The following ZNF783 variants were observed in gnomAD, a reference collection of about 807,000 sequenced individuals.
ZNF783 encodes zinc finger protein 783.
Under a neutral mutation model 31.3 loss-of-function variants are expected in ZNF783, and 25 were observed. That is an observed-to-expected ratio of 0.80 (90% confidence interval 0.58 to 1.11). ZNF783 has a LOEUF of 1.11. ZNF783 is among the 50% of genes most tolerant of loss of function. The pLI, the probability that ZNF783 is intolerant of heterozygous loss-of-function variation, is 0.00. For missense variants in ZNF783, 797 were observed against 760.0 expected (o/e 1.05, Z -0.57); for synonymous variants, 369 against 319.1 (o/e 1.16, Z -1.66).
chr7:149,282,561 T>A lies in ZNF783; in HGVS notation c.*218T>A. The A allele has an allele frequency of 1.9e-6, 1 of 528,454 alleles. No homozygotes were observed. Among genetic ancestry groups the A allele is most frequent in the Non-Finnish European group, 3.3e-6 (1 of 305,258 alleles). 32.7% of individuals were successfully genotyped at this position (528,454 alleles called of 1,614,324 possible). On this transcript the variant is annotated 3_prime_UTR_variant, in exon 6 of 6. Coordinates refer to ENST00000434415, the MANE Select transcript of ZNF783 (RefSeq NM_001195220.2). ...GCATTCCTGACTTCTAAAAGATGCC[T>A]TAAGGCTTAAGGGATGCCATATTTT...
chr7:149,282,336 A>G lies in ZNF783; in HGVS notation c.1634A>G (p.Glu545Gly), dbSNP rs929194417. ...LPLPWPSRKE[E>G]G Reference sequence around the variant, plus strand: ...CTGCCCTGGCCCAGCCGGAAGGAGGAGGGCTGACCTGGCAGGAGCCCACAG... The same window carrying G: ...CTGCCCTGGCCCAGCCGGAAGGAGGGGGGCTGACCTGGCAGGAGCCCACAG... Residue 545 changes from glutamate (E) to glycine (G), a missense_variant, in exon 6 of 6, where the codon GAG becomes GGG. Transcript: ENST00000434415. 4.6e-6 allele frequency: 7 copies of G among 1,516,432 alleles called. No homozygotes were observed. Among genetic ancestry groups the G allele is most frequent in the Non-Finnish European group, 6.1e-6 (7 of 1,138,864 alleles). 93.9% of individuals were successfully genotyped at this position (1,516,432 alleles called of 1,614,324 possible).
chr7:149,263,325 T>TATATA (rs1491212623), intron 1 of ZNF783, among the ~76,000 whole-genome samples: 1 of 116,080 alleles, frequency 8.6e-6, no homozygotes, highest in Non-Finnish European at 1.9e-5. Context: ...TATATATATA[T>TATATA]TTTTTTTTTA....
intron 4 of ZNF783, among the ~76,000 whole-genome samples, chr7:149,274,105 G>C (rs1797270039): frequency 6.6e-6 from 1 of 152,054 alleles, no homozygotes; most frequent in Non-Finnish European, 1.5e-5. Flanking sequence ...TTTTTGCTTT[G>C]GTTGTCTGTG....
At position 149,282,965 on chromosome 7, in the gene ZNF783, T is replaced by TTTTTTTTTTTGTTGTTG. The variant is rs367820256; in HGVS notation, c.*624_*625insTTTTTTTTGTTGTTGTT. ...AGCCTGTGGGTCTTTTGGTTTTTTT[T>TTTTTTTTTTTGTTGTTG]TTGTTGTTGTTGTTGTTTTTTTAAG... On this transcript the variant is annotated 3_prime_UTR_variant, in exon 6 of 6. Transcript: ENST00000434415. 1 of 131,056 alleles carries TTTTTTTTTTTGTTGTTG rather than the reference T, an allele frequency of 7.6e-6. No individual in the cohort carries two copies. The highest frequency in any genetic ancestry group is 2.8e-5 in the African/African-American group (1 of 35,184). The allele number at this position is 131,056 out of a possible 1,614,324, so 8.1% of individuals were successfully genotyped here.
chr7:149,276,506 G>A (rs576562166), intron 4 of ZNF783: 1 of 985,358 alleles, frequency 1.0e-6, no homozygotes, highest in African/African-American at 1.7e-5. Flanking sequence ...AGGGGAATCG[G>A]TAGCAGTGTT....
chr7:149,262,493 C>A (rs1796950060), intron 1 of ZNF783, 136 bp downstream of exon 1: 3 of 770,784 alleles, frequency 3.9e-6, no homozygotes, highest in Non-Finnish European at 5.1e-6. Flanking sequence ...TGCCCCCGGC[C>A]CATCGCCCAG....
At chr7:149,264,634 G>A (rs973311140) in intron 1 of ZNF783, among the ~76,000 whole-genome samples, 1 of 152,166 alleles carries the variant, frequency 6.6e-6, no homozygotes. Context: ...CAGCACTTTG[G>A]GAGGCTGAGG....
chr7:149,282,890 C>G lies in ZNF783; in HGVS notation c.*547C>G, dbSNP rs960217933. 1.3e-5 allele frequency: 2 copies of G among 152,152 alleles called. No homozygotes were observed. Among genetic ancestry groups the G allele is most frequent in the African/African-American group, 2.4e-5 (1 of 41,438 alleles). 9.4% of individuals were successfully genotyped at this position (152,152 alleles called of 1,614,324 possible). On this transcript the variant is annotated 3_prime_UTR_variant, in exon 6 of 6. Coordinates refer to ENST00000434415, the MANE Select transcript of ZNF783 (RefSeq NM_001195220.2). ...TGCCTTTTGCAAAGTCGGAAAGAGT[C>G]GGCTTTTCCATGTGAGGCTCGCAGA...
intron 5 of ZNF783, among the ~76,000 whole-genome samples, chr7:149,279,641 TTTTTTTTTTTTTTAA>T (rs1797414994): frequency 1.4e-5 from 2 of 147,596 alleles, no homozygotes; most frequent in South Asian, 2.2e-4. Context: ...TGTTTTTTTT[TTTTTTTTTTTTTTAA>T]TTTTTTTTTT....
chr7:149,264,396 G>C (rs902593354), intron 1 of ZNF783, among the ~76,000 whole-genome samples: 5 of 152,128 alleles, frequency 3.3e-5, no homozygotes. Context: ...GAGGAGGGCC[G>C]GGTGGGTCCT....
At chr7:149,274,081 A>T (rs1433350508) in intron 4 of ZNF783, among the ~76,000 whole-genome samples, 1 of 151,976 alleles carries the variant, frequency 6.6e-6, no homozygotes, top group Non-Finnish European at 1.5e-5. Context: ...ACTTGATGTG[A>T]TCCCGTTTGT....
In ZNF783 at chr7:149,280,168, C is replaced by G. The variant is rs552832220; in HGVS notation, c.803-1337C>G. On this transcript the variant is annotated intron_variant, in intron 5 of 5. Transcript: ENST00000434415. Reference sequence around the variant, plus strand: ...GGGGCTGACCCCCCCACCTCCCTCCCGGACGGGGCGGCTGGCCGGGCAGAG... The same window carrying G: ...GGGGCTGACCCCCCCACCTCCCTCCGGGACGGGGCGGCTGGCCGGGCAGAG... 7.4e-3 allele frequency among the ~76,000 whole-genome samples: 999 copies of G among 135,552 alleles called. 3 individuals are homozygous for G. The highest frequency in any genetic ancestry group is 0.011 in the Non-Finnish European group (661 of 61,092). 88.9% of individuals were successfully genotyped at this position (135,552 alleles called of 152,430 possible).
chr7:149,281,761 C>A lies in ZNF783; in HGVS notation c.1059C>A (p.Asp353Glu). The change falls in exon 6 of 6, where the codon GAC (aspartate) becomes GAA (glutamate). Residue 353 changes from aspartate (D) to glutamate (E), a missense_variant. Physicochemically the swap from Asp to Glu is conservative, Grantham distance 45. Coordinates refer to ENST00000434415, the MANE Select transcript of ZNF783 (RefSeq NM_001195220.2). Reference sequence around the variant, plus strand: ...GGCAGCGGGCATTCCCCTGCCCCGACTGCGGGCAGAGCTTCCGCCTGAAGA... The same window carrying A: ...GGCAGCGGGCATTCCCCTGCCCCGAATGCGGGCAGAGCTTCCGCCTGAAGA... ...RRRQRAFPCP[D>E]CGQSFRLKIN... The A allele has an allele frequency of 6.7e-7, 1 of 1,497,494 alleles. No individual in the cohort carries two copies. The highest frequency in any genetic ancestry group is 8.8e-7 in the Non-Finnish European group (1 of 1,132,106). The allele number at this position is 1,497,494 out of a possible 1,614,324, so 92.8% of individuals were successfully genotyped here.
chr7:149,266,280 G>A, intron 1 of ZNF783, 55 bp from the exon 2 acceptor site: 1 of 1,458,728 alleles, frequency 6.9e-7, no homozygotes, highest in South Asian at 1.4e-5. Context: ...TTTTGAGGTG[G>A]AAGTTTTGAT....
chr7:149,282,385 C>T lies in ZNF783; in HGVS notation c.*42C>T, dbSNP rs1244193085. ...AGAGGACCCCTGGCGGGGTCTCTCC[C>T]CTGTGCCTGACGCAGGTTCTTCCTT... On this transcript the variant is annotated 3_prime_UTR_variant, in exon 6 of 6. Coordinates refer to ENST00000434415, the MANE Select transcript of ZNF783 (RefSeq NM_001195220.2). The T allele has an allele frequency of 5.0e-6, 7 of 1,402,582 alleles. No homozygotes were observed. Among genetic ancestry groups the T allele is most frequent in the Admixed American group, 2.8e-5 (1 of 35,156 alleles). 86.9% of individuals were successfully genotyped at this position (1,402,582 alleles called of 1,614,324 possible).
chr7:149,279,924 C>T (rs926967530), intron 5 of ZNF783, among the ~76,000 whole-genome samples: 3 of 152,142 alleles, frequency 2.0e-5, no homozygotes, highest in South Asian at 2.1e-4. Context: ...CACCTTTCCC[C>T]CCTTTCTATT....
chr7:149,278,673 C>A lies in ZNF783; in HGVS notation c.802+146C>A. The A allele has an allele frequency of 2.2e-6, 3 of 1,378,884 alleles. No individual in the cohort carries two copies. The South Asian group carries it at 4.2e-5, about 19-fold the overall frequency. The allele number at this position is 1,378,884 out of a possible 1,614,324, so 85.4% of individuals were successfully genotyped here. A position where few individuals can be genotyped will look rare whatever the true frequency, so the allele number is the denominator to read the frequency against. On this transcript the variant is annotated intron_variant, in intron 5 of 5. Coordinates refer to ENST00000434415, the MANE Select transcript of ZNF783 (RefSeq NM_001195220.2). ...GGTTGGGCTGGGCCGGACAGGCTTT[C>A]TGGGAAAGAGGCCCCTGAGACAGGC...
chr7:149,262,416 G>A (rs1016305831), intron 1 of ZNF783, 59 bp downstream of exon 1: 10 of 1,197,248 alleles, frequency 8.4e-6, no homozygotes, highest in Non-Finnish European at 9.3e-6. Context: ...GCGTGAGCCC[G>A]CGCGAGGGAC....
At chr7:149,262,506 C>T (rs1796950462) in intron 1 of ZNF783, 149 bp downstream of exon 1, 1 of 714,148 alleles carries the variant, frequency 1.4e-6, no homozygotes, top group Non-Finnish European at 1.9e-6. Context: ...TCGCCCAGCC[C>T]GCGTCGAAGG....
Sources: gnomAD v4.1 joint callset for allele counts (sites outside exome capture counted in the v4.1 genomes callset) on GRCh38, gnomAD v4.1.1 for gene constraint, MANE v1.5 for transcripts, NCBI Gene and HGNC (gene_info 2026-07-23, HGNC 2026-07-21) for gene names.